Variants in PHLPP1 observed in about 807,000 individuals in gnomAD.
PHLPP1 encodes PH domain and leucine rich repeat protein phosphatase 1.
In PHLPP1, 42 loss-of-function variants were observed where a neutral mutation model predicts 117.2. The observed-to-expected ratio is 0.36, with a 90% confidence interval of 0.28 to 0.46. The LOEUF (loss-of-function observed/expected upper bound fraction) is 0.46. Ranked by LOEUF, PHLPP1 falls within the 20% of genes least tolerant of loss-of-function variation. The pLI is 1.00. For synonymous variants in PHLPP1, 1,042 were observed against 970.7 expected (o/e 1.07, Z -1.37); for missense variants, 2,084 against 2,241.9 (o/e 0.93, Z 1.42).
chr18:62,920,149 A>G (rs1251010783), intron 10 of PHLPP1, 35 bp downstream of exon 10: 11 of 1,579,744 alleles, frequency 7.0e-6, no homozygotes, highest in Non-Finnish European at 9.6e-6. Context: ...ATCTGAGTCT[A>G]TAAATATTCC....
intron 1 of PHLPP1, among the ~76,000 whole-genome samples, chr18:62,801,241 C>T (rs1373602033): frequency 2.6e-5 from 4 of 151,352 alleles, no homozygotes; most frequent in Admixed American, 2.6e-4. Context: ...CGGGGTTTCA[C>T]CATGTTGGCC....
At chr18:62,760,046 T>C (rs1000452800) in intron 1 of PHLPP1, among the ~76,000 whole-genome samples, 1 of 152,218 alleles carries the variant, frequency 6.6e-6, no homozygotes, top group African/African-American at 2.4e-5. Context: ...TTAGAAATGA[T>C]AGTAGTGCCC....
At chr18:62,779,722 G>A (rs1270621308) in intron 1 of PHLPP1, among the ~76,000 whole-genome samples, 3 of 152,100 alleles carry the variant, frequency 2.0e-5, no homozygotes, top group African/African-American at 4.8e-5. Context: ...TCAATTTGTC[G>A]GGTCATGATT....
At chr18:62,960,987 C>T (rs1182394260) in intron 13 of PHLPP1, among the ~76,000 whole-genome samples, 1 of 152,102 alleles carries the variant, frequency 6.6e-6, no homozygotes, top group Non-Finnish European at 1.5e-5. Context: ...GTTCACAGAA[C>T]TCTGACTCAT....
At chr18:62,795,492 CAAA>C (rs11291832) in intron 1 of PHLPP1, among the ~76,000 whole-genome samples, 13 of 61,398 alleles carry the variant, frequency 2.1e-4, no homozygotes, top group Non-Finnish European at 2.0e-4. Flanking sequence ...GACTCCATCT[CAAA>C]AAAAAAAAAA....
intron 5 of PHLPP1, 47 bp downstream of exon 5, chr18:62,895,204 G>A: frequency 1.3e-6 from 2 of 1,588,750 alleles, no homozygotes; most frequent in Non-Finnish European, 1.7e-6. Flanking sequence ...AAGCCCCAGG[G>A]AAGCTGCATT....
intron 3 of PHLPP1, among the ~76,000 whole-genome samples, chr18:62,852,234 G>T (rs987024996): frequency 4.6e-5 from 7 of 152,126 alleles, no homozygotes; most frequent in African/African-American, 1.4e-4. Context: ...TTAAGAAAAA[G>T]AAATGGTGAG....
intron 1 of PHLPP1, among the ~76,000 whole-genome samples, chr18:62,801,156 C>G (rs1913771346): frequency 1.3e-5 from 2 of 149,740 alleles, no homozygotes; most frequent in South Asian, 4.3e-4. Flanking sequence ...CCCAGTGATT[C>G]TCCTGCCTCA....
In PHLPP1 at chr18:62,837,641, C is replaced by G. The variant is rs1599074454; in HGVS notation, c.1774-1143C>G. On this transcript the variant is annotated intron_variant, in intron 2 of 16. Coordinates refer to ENST00000262719, the MANE Select transcript of PHLPP1 (RefSeq NM_194449.4). ...GCCTTCTTTCAATTTTGGATTTATT[C>G]AATTTGGAGGTTTGATTTTATTTTT... 4 of 150,488 alleles carry G rather than the reference C, an allele frequency of 2.7e-5. No homozygotes were observed. In the South Asian group the frequency reaches 8.4e-4, roughly 31 times the overall value. 9.3% of individuals were successfully genotyped at this position (150,488 alleles called of 1,614,324 possible). A position where few individuals can be genotyped will look rare whatever the true frequency, so the allele number is the denominator to read the frequency against.
chr18:62,748,335 C>T (rs1053693567), intron 1 of PHLPP1, among the ~76,000 whole-genome samples: 3 of 151,836 alleles, frequency 2.0e-5, no homozygotes, highest in Admixed American at 2.0e-4. Flanking sequence ...GCCTCAGCCT[C>T]CTGGGCTCAA....
chr18:62,816,730 G>C (rs202155230), intron 1 of PHLPP1, among the ~76,000 whole-genome samples: 1 of 152,080 alleles, frequency 6.6e-6, no homozygotes. Context: ...CAATTTGGGG[G>C]ATATATTTTT....
chr18:62,806,388 T>G (rs1913953042), intron 1 of PHLPP1, among the ~76,000 whole-genome samples: 1 of 152,216 alleles, frequency 6.6e-6, no homozygotes, highest in South Asian at 2.1e-4. Context: ...TGATTTATGC[T>G]TGTTCTTTTC....
In PHLPP1 at chr18:62,975,630, G is replaced by A; in HGVS notation, c.3984+5G>A. On this transcript the variant is annotated splice_donor_5th_base_variant and intron_variant, in intron 16 of 16. Coordinates refer to ENST00000262719, the MANE Select transcript of PHLPP1 (RefSeq NM_194449.4). ...CACAAGGCCATTATCACTGAGGTGA[G>A]AAAACAGGGGTGTTGCCCAGGATGG... 3 of 1,578,216 alleles carry A rather than the reference G, an allele frequency of 1.9e-6. No individual in the cohort carries two copies. Among genetic ancestry groups the A allele is most frequent in the African/African-American group, 2.7e-5 (2 of 74,338 alleles).
At chr18:62,817,909 T>C (rs1187099204) in intron 1 of PHLPP1, among the ~76,000 whole-genome samples, 7 of 145,308 alleles carry the variant, frequency 4.8e-5, no homozygotes, top group African/African-American at 1.5e-4. Context: ...GGCTGGAGTG[T>C]AGTGGCGAGA....
At chr18:62,948,579 C>T (rs1188463915) in intron 12 of PHLPP1, among the ~76,000 whole-genome samples, 1 of 151,904 alleles carries the variant, frequency 6.6e-6, no homozygotes, top group Non-Finnish European at 1.5e-5. Flanking sequence ...TTCCCCCCAG[C>T]TATTACACCT....
chr18:62,922,510 T>A (rs1909505524), intron 10 of PHLPP1, among the ~76,000 whole-genome samples: 1 of 152,208 alleles, frequency 6.6e-6, no homozygotes, highest in Admixed American at 6.5e-5. Context: ...TGCTTTTTGG[T>A]TGTGAATACT....
At chr18:62,717,974 C>T (rs1910813023) in intron 1 of PHLPP1, among the ~76,000 whole-genome samples, 1 of 152,188 alleles carries the variant, frequency 6.6e-6, no homozygotes, top group Non-Finnish European at 1.5e-5. Flanking sequence ...ATACGCCTTG[C>T]AGGAAGGTTC....
chr18:62,823,961 A>G (rs1220478838), intron 1 of PHLPP1, among the ~76,000 whole-genome samples: 1 of 151,912 alleles, frequency 6.6e-6, no homozygotes, highest in Non-Finnish European at 1.5e-5. Context: ...GTGAAACCCC[A>G]TCTCTACTAA....
chr18:62,772,573 T>TA (rs1490814064), intron 1 of PHLPP1, among the ~76,000 whole-genome samples: 1 of 152,112 alleles, frequency 6.6e-6, no homozygotes, highest in Non-Finnish European at 1.5e-5. Context: ...CTCATGCCTG[T>TA]AATCTCAGTA....
Sources: gnomAD v4.1 joint callset for allele counts (sites outside exome capture counted in the v4.1 genomes callset) on GRCh38, gnomAD v4.1.1 for gene constraint, MANE v1.5 for transcripts, NCBI Gene and HGNC (gene_info 2026-07-23, HGNC 2026-07-21) for gene names.